Variants in IQSEC1 observed in about 807,000 individuals in gnomAD.
The protein encoded by IQSEC1 is IQ motif and SEC7 domain-containing protein 1.
In IQSEC1, 31 loss-of-function variants were observed where a neutral mutation model predicts 91.0. The observed-to-expected ratio is 0.34, with a 90% CI of 0.26 to 0.46. IQSEC1 has a LOEUF of 0.46. IQSEC1 is among the 20% of genes least tolerant of loss of function. The pLI is 1.00. For synonymous variants in IQSEC1, 699 were observed against 662.6 expected, an observed-to-expected ratio of 1.05 and a Z score of -0.84; for missense variants, 1,388 against 1,575.6, an observed-to-expected ratio of 0.88 and a Z score of 2.02.
intron 2 of IQSEC1, among the ~76,000 whole-genome samples, chr3:13,122,877 C>T (rs1344348926): frequency 6.6e-6 from 1 of 152,192 alleles, no homozygotes; most frequent in Non-Finnish European, 1.5e-5. Flanking sequence ...ACTGCAGGGG[C>T]TACTTCCACA....
Position 12,900,467 on chromosome 3 carries a change from A to AC in IQSEC1, c.*515_*516insG. ...ACCTATACAGTATATATATATATAT[A>AC]TTTATATATTTATATATTTATATAA... On this transcript the variant is annotated 3_prime_UTR_variant, in exon 14 of 14. Transcript: ENST00000613206. 3 of 658,890 alleles carry AC rather than the reference A, an allele frequency of 4.6e-6. No homozygotes were observed. Among genetic ancestry groups the AC allele is most frequent in the Non-Finnish European group, 5.6e-6 (3 of 535,082 alleles). The allele number at this position is 658,890 out of a possible 1,614,324, so 40.8% of individuals were successfully genotyped here. A position where few individuals can be genotyped will look rare whatever the true frequency, so the allele number is the denominator to read the frequency against.
intron 3 of IQSEC1, among the ~76,000 whole-genome samples, chr3:12,926,335 A>G (rs966805274): frequency 1.3e-5 from 2 of 150,804 alleles, no homozygotes; most frequent in African/African-American, 4.9e-5. Context: ...AAAAAAGGAG[A>G]CAGGCTGGTG....
intron 1 of IQSEC1, among the ~76,000 whole-genome samples, chr3:13,225,936 A>G (rs1694746290): frequency 6.6e-6 from 1 of 151,594 alleles, no homozygotes; most frequent in African/African-American, 2.4e-5. Flanking sequence ...CTGGAGTGCA[A>G]TTGTGCCATC....
At position 13,282,528 on chromosome 3, in the gene IQSEC1, G is replaced by A. The variant is rs993780219; in HGVS notation, c.272+183C>T. Among the ~76,000 whole-genome samples the A allele has an allele frequency of 6.6e-6, 1 of 151,902 alleles. No individual in the cohort carries two copies. The highest frequency in any genetic ancestry group is 2.4e-5 in the African/African-American group (1 of 41,400). The stretch of plus-strand genomic sequence containing the variant: ...CACCCGAGATCGAGCTCCGGATCTG[G>A]GCGGCGACCCCGCCAGAGAATCCCA... On this transcript the variant is annotated intron_variant, in intron 1 of 15. Coordinates refer to the IQSEC1 transcript ENST00000648114. The surrounding 1 kb of genome is among the most constrained non-coding windows in gnomAD (Gnocchi z 6.4).
rs1695507621 is a variant in IQSEC1 at position 13,267,260 on chromosome 3, C to A, written c.272+15451G>T. Among the ~76,000 whole-genome samples the A allele has an allele frequency of 1.3e-5, 2 of 152,214 alleles. 1 individual carries two copies. Among genetic ancestry groups the A allele is most frequent in the South Asian group, 4.1e-4 (2 of 4,826 alleles). On this transcript the variant is annotated intron_variant, in intron 1 of 15. Transcript: ENST00000648114. ...TGAAAGACACTGAACCTGCTGGCAC[C>A]TTGACCTTGGACTTCCCAGCCTCCA...
chr3:13,182,085 C>G (rs190454649), intron 1 of IQSEC1, among the ~76,000 whole-genome samples: 96 of 152,348 alleles, frequency 6.3e-4, no homozygotes, highest in African/African-American at 2.3e-3. Flanking sequence ...TGGAACTTAT[C>G]AACCACTCAT....
chr3:12,941,143 C>T (rs1698710956), intron 2 of IQSEC1, among the ~76,000 whole-genome samples: 1 of 152,052 alleles, frequency 6.6e-6, no homozygotes, highest in African/African-American at 2.4e-5. Flanking sequence ...TGTCAATGGA[C>T]CTCCCTCCCT....
At chr3:13,012,744 T>C (rs1213995644) in intron 1 of IQSEC1, among the ~76,000 whole-genome samples, 1 of 152,176 alleles carries the variant, frequency 6.6e-6, no homozygotes, top group Non-Finnish European at 1.5e-5. Context: ...ATATGAACAC[T>C]GCGATTCCGC....
intron 8 of IQSEC1, 52 bp from the exon 9 acceptor site, chr3:12,913,605 C>T (rs1424627442): frequency 1.3e-6 from 2 of 1,563,992 alleles, no homozygotes; most frequent in African/African-American, 1.4e-5. Flanking sequence ...CCTCTAGGAG[C>T]CCTGGGGGCC....
rs1447463001 is a variant in IQSEC1, at chr3:13,022,095, C to G, written c.23+50897G>C. On this transcript the variant is annotated intron_variant, in intron 1 of 13. Coordinates refer to ENST00000613206, the MANE Select transcript of IQSEC1 (RefSeq NM_001134382.3). ...GGCTCCACACGGCACTGCCATACCC[C>G]TTCATGCCTGGCTCGGTGGAGGAGC... 6.5e-6 allele frequency: 8 copies of G among 1,231,770 alleles called. No individual in the cohort carries two copies. In the African/African-American group the frequency reaches 1.2e-4, roughly 19 times the overall value. 76.3% of individuals were successfully genotyped at this position (1,231,770 alleles called of 1,614,324 possible).
At chr3:12,938,978 C>G (rs1367206227) in intron 2 of IQSEC1, among the ~76,000 whole-genome samples, 4 of 152,220 alleles carry the variant, frequency 2.6e-5, no homozygotes, top group Admixed American at 1.3e-4. Flanking sequence ...ATTCTTCTTT[C>G]TGGGATGGAA....
At chr3:12,938,407 C>G (rs1698425032) in intron 2 of IQSEC1, among the ~76,000 whole-genome samples, 1 of 151,950 alleles carries the variant, frequency 6.6e-6, no homozygotes, top group Non-Finnish European at 1.5e-5. Flanking sequence ...CAGGGCCTTG[C>G]ATGCCCATGC....
chr3:13,054,172 G>A (rs1189261161), intron 1 of IQSEC1, among the ~76,000 whole-genome samples: 8 of 152,218 alleles, frequency 5.3e-5, no homozygotes, highest in Non-Finnish European at 1.2e-4. Flanking sequence ...AAACAAGGCA[G>A]TGGCTTCAAT....
intron 1 of IQSEC1, among the ~76,000 whole-genome samples, chr3:13,050,913 AT>A (rs1349279255): frequency 6.6e-6 from 1 of 152,212 alleles, no homozygotes; most frequent in Non-Finnish European, 1.5e-5. Context: ...ATGCACACAT[AT>A]TTTTTAACAC....
At position 12,899,068 on chromosome 3, in the gene IQSEC1, A is replaced by G; in HGVS notation, c.*1915T>C. ...AAAGTCACATTTTTAAAAAGGCTAA[A>G]CTCTAGATTGCTGTATTTGCTCTCT... On this transcript the variant is annotated 3_prime_UTR_variant, in exon 14 of 14. Coordinates refer to ENST00000613206, the MANE Select transcript of IQSEC1 (RefSeq NM_001134382.3). 2.6e-6 allele frequency: 1 copy of G among 384,558 alleles called. No homozygotes were observed. The highest frequency in any genetic ancestry group is 2.0e-5 in the African/African-American group (1 of 49,012). 23.8% of individuals were successfully genotyped at this position (384,558 alleles called of 1,614,324 possible). A position where few individuals can be genotyped will look rare whatever the true frequency, so the allele number is the denominator to read the frequency against.
intron 1 of IQSEC1, among the ~76,000 whole-genome samples, chr3:13,032,745 A>G (rs546139218): frequency 1.5e-4 from 23 of 152,048 alleles, no homozygotes; most frequent in African/African-American, 5.5e-4. Flanking sequence ...CACCACACCC[A>G]GCTAATTTTT....
rs140420201 is a variant in IQSEC1, at chr3:13,008,265, C to T, written c.23+64727G>A. On this transcript the variant is annotated intron_variant, in intron 1 of 13. Coordinates refer to ENST00000613206, the MANE Select transcript of IQSEC1 (RefSeq NM_001134382.3). The surrounding 1 kb of genome is among the most constrained non-coding windows in gnomAD (Gnocchi z 4.1). ...CCAAGCTGGACACCTCTCCTTCCCG[C>T]GTCGAAGCTCAGAGGTGAGCCTCAG... 6.1e-3 allele frequency among the ~76,000 whole-genome samples: 932 copies of T among 151,618 alleles called. 7 individuals are homozygous for T. Among genetic ancestry groups the T allele is most frequent in the Non-Finnish European group, 0.01 (689 of 67,408 alleles).
chr3:13,100,298 T>C (rs1706035061), intron 2 of IQSEC1, among the ~76,000 whole-genome samples: 1 of 148,450 alleles, frequency 6.7e-6, no homozygotes, highest in African/African-American at 2.5e-5. Context: ...GTTACCACAC[T>C]CTTCCTACAT....
At chr3:13,188,496 G>C (rs1002456437) in intron 1 of IQSEC1, among the ~76,000 whole-genome samples, 2 of 152,204 alleles carry the variant, frequency 1.3e-5, no homozygotes, top group African/African-American at 4.8e-5. Flanking sequence ...CAACAATATA[G>C]ATGTGCTACT....
Sources: gnomAD v4.1 joint callset for allele counts (sites outside exome capture counted in the v4.1 genomes callset) on GRCh38, gnomAD v4.1.1 for gene constraint, Gnocchi (gnomAD v3.1) non-coding constraint, MANE v1.5 for transcripts, NCBI Gene and HGNC (gene_info 2026-07-23, HGNC 2026-07-21) for gene names.